IQCH: variants seen among roughly 807,000 people sequenced by gnomAD.
IQCH encodes the protein IQ domain-containing protein H.
A neutral mutation model predicts 117.0 loss-of-function variants in IQCH; 98 were observed. That is an observed-to-expected ratio of 0.84 (90% confidence interval 0.71 to 0.99). The LOEUF is 0.99. IQCH is among the 50% of genes least tolerant of loss of function. The pLI is 0.00. For synonymous variants in IQCH, 412 were observed against 448.2 expected (o/e 0.92, Z 1.02); for missense variants, 1,102 against 1,243.8 (o/e 0.89, Z 1.72).
At chr15:67,267,919 CATT>C (rs1260720694) in intron 3 of IQCH, among the ~76,000 whole-genome samples, 2 of 152,286 alleles carry the variant, frequency 1.3e-5, no homozygotes, top group Non-Finnish European at 1.5e-5. Flanking sequence ...TCATCATCAT[CATT>C]AATATTTTCA....
At chr15:67,305,483 G>A (rs1196826496) in intron 4 of IQCH, among the ~76,000 whole-genome samples, 2 of 152,036 alleles carry the variant, frequency 1.3e-5, no homozygotes, top group African/African-American at 4.8e-5. Context: ...TATTCCTGCT[G>A]AAACTTTATT....
In IQCH at chr15:67,433,890, CTT is replaced by C. The variant is rs1171030125; in HGVS notation, c.2505+12317_2505+12318del. 6.6e-6 allele frequency among the ~76,000 whole-genome samples: 1 copy of C among 152,192 alleles called. No homozygotes were observed. Among genetic ancestry groups the C allele is most frequent in the Non-Finnish European group, 1.5e-5 (1 of 68,022 alleles). On this transcript the variant is annotated intron_variant, in intron 16 of 20. Coordinates refer to ENST00000335894, the MANE Select transcript of IQCH (RefSeq NM_001031715.3). This position sits in a 1 kb window ranked among gnomAD's most constrained non-coding sequence, Gnocchi z 5.4. The stretch of plus-strand genomic sequence containing the variant: ...TTCCAGCTGTCACCTGTGGTCAAGA[CTT>C]TTTATGTGATAAATTTTCTCTTACA...
intron 16 of IQCH, among the ~76,000 whole-genome samples, chr15:67,462,627 T>C (rs2082826613): frequency 6.6e-6 from 1 of 151,584 alleles, no homozygotes. Context: ...ATTTAAGCTC[T>C]CTGACTCCGT....
At chr15:67,280,313 AT>A (rs1160030294) in intron 4 of IQCH, among the ~76,000 whole-genome samples, 7 of 148,372 alleles carry the variant, frequency 4.7e-5, no homozygotes, top group African/African-American at 7.3e-5. Flanking sequence ...CTTTGCCTCC[AT>A]TGAGTGTTCT....
chr15:67,291,986 A>G (rs1354374178), intron 4 of IQCH, among the ~76,000 whole-genome samples: 6 of 152,160 alleles, frequency 3.9e-5, no homozygotes, highest in Non-Finnish European at 5.9e-5. Flanking sequence ...AACCTAATGC[A>G]CAGTGTGATG....
chr15:67,289,153 A>G (rs973714778), intron 4 of IQCH, among the ~76,000 whole-genome samples: 1 of 152,162 alleles, frequency 6.6e-6, no homozygotes, highest in African/African-American at 2.4e-5. Context: ...GCAGCTTGCT[A>G]AGATTCTATA....
rs778898383 is a variant in IQCH at position 67,359,724 on chromosome 15, G to A, written c.715-123G>A. The A allele has an allele frequency of 1.5e-4, 125 of 818,524 alleles. No homozygotes were observed. The highest frequency in any genetic ancestry group is 6.4e-4 in the South Asian group (45 of 70,856). The allele number at this position is 818,524 out of a possible 1,614,324, so 50.7% of individuals were successfully genotyped here. The stretch of plus-strand genomic sequence containing the variant: ...ATTAGCTCCTGCCTGCGTGGAAAGA[G>A]AGAACAGGCTGGCCCAGCGGGTAAA... On this transcript the variant is annotated intron_variant, in intron 7 of 20. Coordinates refer to ENST00000335894, the MANE Select transcript of IQCH (RefSeq NM_001031715.3). The surrounding 1 kb of genome is among the most constrained non-coding windows in gnomAD (Gnocchi z 4.5).
Position 67,256,249 on chromosome 15 carries a change from C to T in IQCH, c.51+1302C>T, listed in dbSNP as rs145078192. ...TTTGGTCATCTTATCCCTGTGGAGT[C>T]ATTGACGTCATTACCTGCATTACTT... On this transcript the variant is annotated intron_variant, in intron 1 of 20. Coordinates refer to ENST00000335894, the MANE Select transcript of IQCH (RefSeq NM_001031715.3). Among the ~76,000 whole-genome samples, 236 of 152,258 alleles carry T rather than the reference C, an allele frequency of 1.5e-3. 5 individuals carry two copies. In the East Asian group the frequency reaches 0.042, roughly 27 times the overall value.
At position 67,365,925 on chromosome 15, in the gene IQCH, G is replaced by A. The variant is rs1008857259; in HGVS notation, c.753+6040G>A. ...AGCCTGGGCAGCAGAGGAAGACTCT[G>A]TCTCAAAAACAAAAAAAGAATACAT... On this transcript the variant is annotated intron_variant, in intron 8 of 20. Coordinates refer to ENST00000335894, the MANE Select transcript of IQCH (RefSeq NM_001031715.3). This position sits in a 1 kb window ranked among gnomAD's most constrained non-coding sequence, Gnocchi z 4.4. Among the ~76,000 whole-genome samples the A allele has an allele frequency of 1.3e-5, 2 of 151,970 alleles. No individual in the cohort carries two copies. Among genetic ancestry groups the A allele is most frequent in the African/African-American group, 4.8e-5 (2 of 41,364 alleles).
rs2083294917 is a variant in IQCH, at chr15:67,479,661, A to G, written c.2799+3843A>G. ...TGTTTGGGTTATGCTGAGTCTAAAA[A>G]CAAGATCATTTACCTAAATTCCAGA... is the stretch of plus-strand genomic sequence containing the variant. On this transcript the variant is annotated intron_variant, in intron 18 of 20. Transcript: ENST00000335894. This position sits in a 1 kb window ranked among gnomAD's most constrained non-coding sequence, Gnocchi z 4.6. Among the ~76,000 whole-genome samples, 1 of 152,220 alleles carries G rather than the reference A, an allele frequency of 6.6e-6. No homozygotes were observed. Among genetic ancestry groups the G allele is most frequent in the African/African-American group, 2.4e-5 (1 of 41,458 alleles).
rs1161078505 is a variant in IQCH, at chr15:67,476,975, T to C, written c.2799+1157T>C. ...ATTCAGTTCTACATTTATTAACTTA[T>C]ATTCTTTATACTTGAGACCAGTACA... is the stretch of plus-strand genomic sequence containing the variant. On this transcript the variant is annotated intron_variant, in intron 18 of 20. Coordinates refer to ENST00000335894, the MANE Select transcript of IQCH (RefSeq NM_001031715.3). This position sits in a 1 kb window ranked among gnomAD's most constrained non-coding sequence, Gnocchi z 4.1. 6.6e-6 allele frequency among the ~76,000 whole-genome samples: 1 copy of C among 152,022 alleles called. No individual in the cohort carries two copies. Among genetic ancestry groups the C allele is most frequent in the East Asian group, 1.9e-4 (1 of 5,198 alleles).
chr15:67,401,108 A>T lies in IQCH; in HGVS notation c.2097+803A>T, dbSNP rs1279334016. On this transcript the variant is annotated intron_variant, in intron 14 of 20. Transcript: ENST00000335894. This position sits in a 1 kb window ranked among gnomAD's most constrained non-coding sequence, Gnocchi z 4.7. ...TTATGTAAGTGCTGGTCCCTGTGAG[A>T]TGCTGAGAAAATAGTACATTCCAGC... Among the ~76,000 whole-genome samples, 1 of 152,212 alleles carries T rather than the reference A, an allele frequency of 6.6e-6. No individual in the cohort carries two copies. The highest frequency in any genetic ancestry group is 2.4e-5 in the African/African-American group (1 of 41,460).
Position 67,388,578 on chromosome 15 carries a change from C to T in IQCH, c.1457-253C>T, listed in dbSNP as rs536004055. Among the ~76,000 whole-genome samples the T allele has an allele frequency of 1.2e-4, 18 of 152,314 alleles. No homozygotes were observed. Among genetic ancestry groups the T allele is most frequent in the Middle Eastern group, 3.4e-3 (1 of 294 alleles). On this transcript the variant is annotated intron_variant, in intron 11 of 20. Coordinates refer to ENST00000335894, the MANE Select transcript of IQCH (RefSeq NM_001031715.3). The surrounding 1 kb of genome is among the most constrained non-coding windows in gnomAD (Gnocchi z 5.5). ...GAAAGTACATTTCCAAGGTATCTCA[C>T]AGCCCTCCTTCTGAAGGAATCATTG...
intron 14 of IQCH, among the ~76,000 whole-genome samples, chr15:67,402,981 C>T (rs538719097): frequency 3.9e-5 from 6 of 152,190 alleles, no homozygotes; most frequent in Admixed American, 6.5e-5. Flanking sequence ...GGCATGGTGG[C>T]TCATGCCTGT....
intron 1 of IQCH, among the ~76,000 whole-genome samples, chr15:67,259,193 C>G (rs754373043): frequency 3.3e-5 from 5 of 152,192 alleles, no homozygotes; most frequent in Non-Finnish European, 7.3e-5. Flanking sequence ...ATTCTTGCCA[C>G]TGTTCTGAGA....
At chr15:67,371,715 C>A in intron 8 of IQCH, among the ~76,000 whole-genome samples, 1 of 152,190 alleles carries the variant, frequency 6.6e-6, no homozygotes. Flanking sequence ...GTTTTTCAGA[C>A]TGGTGGATAA....
At chr15:67,368,665 A>T (rs1395900732) in intron 8 of IQCH, among the ~76,000 whole-genome samples, 2 of 152,206 alleles carry the variant, frequency 1.3e-5, no homozygotes, top group East Asian at 3.8e-4. Context: ...CTATCCTTCT[A>T]GGCAATGGAA....
intron 16 of IQCH, among the ~76,000 whole-genome samples, chr15:67,442,409 TA>T (rs879269420): frequency 2.3e-3 from 325 of 138,684 alleles, no homozygotes; most frequent in Admixed American, 2.6e-3. Context: ...AAACTCCATC[TA>T]AAAAAAAAAA....
Position 67,271,347 on chromosome 15 carries a change from G to C in IQCH, c.270-8048G>C, listed in dbSNP as rs139935622. Among the ~76,000 whole-genome samples, 1,326 of 152,296 alleles carry C rather than the reference G, an allele frequency of 8.7e-3. 17 individuals are homozygous for C. The highest frequency in any genetic ancestry group is 0.029 in the African/African-American group (1,200 of 41,558). On this transcript the variant is annotated intron_variant, in intron 3 of 20. Coordinates refer to ENST00000335894, the MANE Select transcript of IQCH (RefSeq NM_001031715.3). ...TGAAGATTTTTGCATCTATATTTAT[G>C]AGTGGTATTGGCCTATAGTTTTCTT...
Sources: allele counts gnomAD v4.1 joint callset (sites outside exome capture counted in the v4.1 genomes callset), GRCh38; gene constraint gnomAD v4.1.1; non-coding constraint Gnocchi (gnomAD v3.1); transcripts MANE v1.5; gene names NCBI Gene and HGNC (gene_info 2026-07-23, HGNC 2026-07-21).